The following CTNND2 variants were observed in gnomAD, a reference collection of about 807,000 sequenced individuals.
The protein encoded by CTNND2 is catenin delta 2.
In CTNND2, 22 loss-of-function variants were observed where a neutral mutation model predicts 144.4. The observed-to-expected ratio is 0.15, with a 90% CI of 0.11 to 0.22. CTNND2 has a LOEUF of 0.22. CTNND2 is among the 10% of genes least tolerant of loss of function. The pLI is 1.00. For missense variants in CTNND2, 1,353 were observed against 1,618.8 expected (o/e 0.84, Z 2.82); for synonymous variants, 751 against 695.6 (o/e 1.08, Z -1.25).
intron 21 of CTNND2, among the ~76,000 whole-genome samples, chr5:10,977,201 C>G (rs547913876): frequency 9.2e-5 from 14 of 152,338 alleles, no homozygotes; most frequent in Admixed American, 9.1e-4. Context: ...TCATCTTCCT[C>G]ATTTCTGCAG....
At chr5:11,210,191 G>A (rs1386359729) in intron 10 of CTNND2, among the ~76,000 whole-genome samples, 1 of 152,160 alleles carries the variant, frequency 6.6e-6, no homozygotes, top group East Asian at 1.9e-4. Flanking sequence ...GAGGTCAGGA[G>A]TTTGAGACCA....
In CTNND2 at chr5:11,607,509, T is replaced by G. The variant is rs1477086394; in HGVS notation, c.175-42453A>C. On this transcript the variant is annotated intron_variant, in intron 2 of 21. Coordinates refer to ENST00000304623, the MANE Select transcript of CTNND2 (RefSeq NM_001332.4). ...ACTGAGTTTTAAGAAACAGCAAACA[T>G]TTATTTCTCAAGCACAAATTACTCA... Among the ~76,000 whole-genome samples, 2 of 152,160 alleles carry G rather than the reference T, an allele frequency of 1.3e-5. 1 individual carries two copies. The highest frequency in any genetic ancestry group is 2.9e-5 in the Non-Finnish European group (2 of 68,026).
intron 2 of CTNND2, among the ~76,000 whole-genome samples, chr5:11,678,174 T>C (rs1784263047): frequency 6.6e-6 from 1 of 152,130 alleles, no homozygotes; most frequent in Admixed American, 6.5e-5. Context: ...AGGAAAATAA[T>C]CTAGATAGGT....
chr5:11,557,595 T>C (rs149022856), intron 3 of CTNND2, among the ~76,000 whole-genome samples: 1,937 of 152,286 alleles, frequency 0.013, 23 homozygotes, highest in Non-Finnish European at 0.019. Context: ...TTTTCCTTTG[T>C]CTCTGACCTC....
rs374997361 is a variant in CTNND2, at chr5:10,983,840, T to C, written c.3344-1994A>G. Among the ~76,000 whole-genome samples, 12 of 152,286 alleles carry C rather than the reference T, an allele frequency of 7.9e-5. No individual in the cohort carries two copies. The East Asian group carries it at 2.3e-3, about 29-fold the overall frequency. ...CTGAGACGGCTCTCCACTATGGCCA[T>C]GAGGCCCTGCAAGGTTTGTTTCCTG... On this transcript the variant is annotated intron_variant, in intron 20 of 21. Transcript: ENST00000304623.
In CTNND2 at chr5:11,803,329, G is replaced by A. The variant is rs200029079; in HGVS notation, c.38-71057C>T. On this transcript the variant is annotated intron_variant, in intron 1 of 21. Transcript: ENST00000304623. ...GCGAGACTGCGTCTCAAAAAAAAAA[G>A]AAAAAAAAATATGCACAAGAGTGCA... Among the ~76,000 whole-genome samples, 83 of 150,660 alleles carry A rather than the reference G, an allele frequency of 5.5e-4. 1 individual carries two copies. The highest frequency in any genetic ancestry group is 1.6e-3 in the African/African-American group (65 of 41,104).
At chr5:11,296,453 T>A (rs1749017728) in intron 9 of CTNND2, among the ~76,000 whole-genome samples, 1 of 152,172 alleles carries the variant, frequency 6.6e-6, no homozygotes, top group Non-Finnish European at 1.5e-5. Flanking sequence ...GAACTAGAAA[T>A]ACCATTTGAC....
intron 18 of CTNND2, among the ~76,000 whole-genome samples, chr5:11,009,367 T>A (rs1015816733): frequency 6.6e-6 from 1 of 152,110 alleles, no homozygotes; most frequent in Non-Finnish European, 1.5e-5. Flanking sequence ...TTGGGAGGCA[T>A]TGAGACAGGG....
chr5:11,035,239 T>G (rs1370117221), intron 16 of CTNND2, among the ~76,000 whole-genome samples: 1 of 152,166 alleles, frequency 6.6e-6, no homozygotes, highest in Non-Finnish European at 1.5e-5. Context: ...TTACTAGGCT[T>G]CAATTAGGGT....
intron 1 of CTNND2, among the ~76,000 whole-genome samples, chr5:11,835,440 C>A (rs898432593): frequency 6.6e-6 from 1 of 150,450 alleles, no homozygotes; most frequent in Non-Finnish European, 1.5e-5. Context: ...CCATCTAGGC[C>A]TTTCTTTCTT....
chr5:11,043,897 G>A (rs542853267), intron 16 of CTNND2, among the ~76,000 whole-genome samples: 1 of 152,336 alleles, frequency 6.6e-6, no homozygotes, highest in South Asian at 2.1e-4. Flanking sequence ...CAAACCTCAG[G>A]AAAGTGTTCA....
intron 1 of CTNND2, among the ~76,000 whole-genome samples, chr5:11,778,103 T>C (rs1022313156): frequency 6.6e-6 from 1 of 152,068 alleles, no homozygotes; most frequent in Non-Finnish European, 1.5e-5. Flanking sequence ...GTTTAAGTTG[T>C]TAAGGATGGA....
intron 9 of CTNND2, among the ~76,000 whole-genome samples, chr5:11,312,684 A>ACCCTCCCCATATACCCTCACCCTCAC (rs1751107597): frequency 2.8e-5 from 4 of 145,416 alleles, no homozygotes; most frequent in Admixed American, 6.9e-5. Flanking sequence ...ACACTCACAC[A>ACCCTCCCCATATACCCTCACCCTCAC]CACTCCCCAT....
intron 1 of CTNND2, among the ~76,000 whole-genome samples, chr5:11,837,609 CTAAATTTACAG>C (rs1324245096): frequency 1.3e-5 from 2 of 152,162 alleles, no homozygotes; most frequent in African/African-American, 4.8e-5. Context: ...CATTTCTAAT[CTAAATTTACAG>C]TATGAGTATC....
chr5:11,165,576 T>C (rs1314374802), intron 11 of CTNND2, among the ~76,000 whole-genome samples: 3 of 152,236 alleles, frequency 2.0e-5, no homozygotes, highest in Non-Finnish European at 4.4e-5. Context: ...ATCTTTCTTT[T>C]ATTATTTCCA....
At chr5:11,588,859 C>A in intron 2 of CTNND2, 1 of 985,368 alleles carries the variant, frequency 1.0e-6, no homozygotes, top group Non-Finnish European at 1.2e-6. Flanking sequence ...GTGGAGCAGG[C>A]GGTTCCTGGC....
intron 3 of CTNND2, among the ~76,000 whole-genome samples, chr5:11,514,487 T>A (rs1771978036): frequency 6.6e-6 from 1 of 152,220 alleles, no homozygotes; most frequent in Non-Finnish European, 1.5e-5. Flanking sequence ...TATTTAACGA[T>A]TTAAAAATCA....
chr5:11,048,508 C>T (rs1745510790), intron 16 of CTNND2, among the ~76,000 whole-genome samples: 1 of 152,214 alleles, frequency 6.6e-6, no homozygotes, highest in African/African-American at 2.4e-5. Flanking sequence ...AGAGCGTTAG[C>T]CACAGAAGAG....
chr5:11,645,931 T>C (rs1228902996), intron 2 of CTNND2, among the ~76,000 whole-genome samples: 1 of 152,208 alleles, frequency 6.6e-6, no homozygotes, highest in Non-Finnish European at 1.5e-5. Context: ...TGTTTTATTT[T>C]TTTTAAATTT....
Sources: allele counts gnomAD v4.1 joint callset (sites outside exome capture counted in the v4.1 genomes callset), GRCh38; gene constraint gnomAD v4.1.1; transcripts MANE v1.5; gene names NCBI Gene and HGNC (gene_info 2026-07-23, HGNC 2026-07-21).